The following SWT1 variants were observed in gnomAD, a reference collection of about 807,000 sequenced individuals.
The protein encoded by SWT1 is transcriptional protein SWT1.
In SWT1, 33 loss-of-function variants were observed where a neutral mutation model predicts 107.3. That is an observed-to-expected ratio of 0.31 (90% confidence interval 0.23 to 0.41). SWT1 has a LOEUF of 0.41. Ranked by LOEUF, SWT1 falls within the 10% of genes least tolerant of loss-of-function variation. SWT1 has a pLI of 1.00. For missense variants in SWT1, 898 were observed against 1,028.9 expected, an observed-to-expected ratio of 0.87 and a Z score of 1.74; for synonymous variants, 345 against 348.3, an observed-to-expected ratio of 0.99 and a Z score of 0.11.
At chr1:185,231,453 A>G (rs1660499633) in intron 15 of SWT1, 124 bp from the exon 16 acceptor site, 2 of 738,030 alleles carry the variant, frequency 2.7e-6, no homozygotes, top group Admixed American at 2.5e-5. Flanking sequence ...ATTTAAATAG[A>G]TCAGCATTCT....
At chr1:185,246,990 A>G (rs1661661973) in intron 16 of SWT1, among the ~76,000 whole-genome samples, 1 of 152,130 alleles carries the variant, frequency 6.6e-6, no homozygotes, top group South Asian at 2.1e-4. Context: ...TGTGACTGGT[A>G]AAAACTCAAA....
intron 15 of SWT1, among the ~76,000 whole-genome samples, chr1:185,222,994 A>T (rs1332293957): frequency 6.6e-6 from 1 of 152,174 alleles, no homozygotes; most frequent in East Asian, 1.9e-4. Flanking sequence ...TATTGTATAT[A>T]GTGCTACAGC....
chr1:185,165,781 G>T (rs757615591), intron 2 of SWT1, among the ~76,000 whole-genome samples: 26 of 152,202 alleles, frequency 1.7e-4, no homozygotes, highest in Middle Eastern at 3.2e-3. Context: ...CCTTGCTGCT[G>T]TCCCAACAAG....
intron 10 of SWT1, 117 bp from the exon 11 acceptor site, chr1:185,202,537 T>C: frequency 1.3e-6 from 1 of 775,894 alleles, no homozygotes; most frequent in South Asian, 2.1e-5. Context: ...TTATTCTTTC[T>C]TAAGGTATAG....
intron 4 of SWT1, among the ~76,000 whole-genome samples, chr1:185,170,801 A>G (rs1006947183): frequency 6.6e-6 from 1 of 152,208 alleles, no homozygotes; most frequent in African/African-American, 2.4e-5. Context: ...ATAGGACTAT[A>G]GGAAGAAAAG....
At chr1:185,208,924 C>T (rs1041239468) in intron 13 of SWT1, among the ~76,000 whole-genome samples, 2 of 151,862 alleles carry the variant, frequency 1.3e-5, no homozygotes, top group African/African-American at 4.8e-5. Context: ...TTTATTGGTG[C>T]CTGAGGCTCA....
At chr1:185,158,203 G>T (rs1320106183) in intron 1 of SWT1, among the ~76,000 whole-genome samples, 8 of 152,028 alleles carry the variant, frequency 5.3e-5, no homozygotes, top group African/African-American at 1.9e-4. Context: ...TGATTATTTG[G>T]CACTTTGAAG....
At chr1:185,259,934 AC>A (rs1396046525) in intron 16 of SWT1, among the ~76,000 whole-genome samples, 3 of 152,194 alleles carry the variant, frequency 2.0e-5, no homozygotes, top group East Asian at 3.8e-4. Flanking sequence ...CTGGATGGTC[AC>A]TAAGGTTCTA....
chr1:185,290,875 T>G lies in SWT1; in HGVS notation c.*72T>G. 7.5e-7 allele frequency: 1 copy of G among 1,341,344 alleles called. No individual in the cohort carries two copies. Among genetic ancestry groups the G allele is most frequent in the Non-Finnish European group, 1.0e-6 (1 of 980,202 alleles). 83.1% of individuals were successfully genotyped at this position (1,341,344 alleles called of 1,614,324 possible). ...ACAGAGTAGTTTTCAATCTGGTCACTCTTTTGGGCCAAACCCAAGAGAATT... is the reference window on the plus strand; with the variant it reads ...ACAGAGTAGTTTTCAATCTGGTCACGCTTTTGGGCCAAACCCAAGAGAATT... On this transcript the variant is annotated 3_prime_UTR_variant, in exon 19 of 19. Coordinates refer to ENST00000367500, the MANE Select transcript of SWT1 (RefSeq NM_017673.7).
At chr1:185,217,195 C>G (rs1337388561) in intron 14 of SWT1, among the ~76,000 whole-genome samples, 1 of 152,082 alleles carries the variant, frequency 6.6e-6, no homozygotes, top group Non-Finnish European at 1.5e-5. Flanking sequence ...GTGTTAGAAA[C>G]AATTCATTGA....
At chr1:185,280,833 G>A (rs891824461) in intron 18 of SWT1, 24 of 393,538 alleles carry the variant, frequency 6.1e-5, no homozygotes, top group African/African-American at 4.4e-4. Context: ...TGAGGGTTGG[G>A]GTGTGTTGTG....
chr1:185,264,695 G>A (rs1663253471), intron 16 of SWT1, among the ~76,000 whole-genome samples: 1 of 152,084 alleles, frequency 6.6e-6, no homozygotes, highest in Non-Finnish European at 1.5e-5. Context: ...TTGAACTCTG[G>A]CTGGCTGACT....
At chr1:185,194,467 A>G (rs1657220685) in intron 10 of SWT1, among the ~76,000 whole-genome samples, 1 of 151,942 alleles carries the variant, frequency 6.6e-6, no homozygotes, top group Non-Finnish European at 1.5e-5. Flanking sequence ...TGTTTACAAT[A>G]TACATCTTTA....
rs544334207 is a variant in SWT1, at chr1:185,157,868, C to G, written c.-10+554C>G. Among the ~76,000 whole-genome samples the G allele has an allele frequency of 2.8e-3, 431 of 152,166 alleles. 2 individuals are homozygous for G. The highest frequency in any genetic ancestry group is 1.0e-2 in the African/African-American group (414 of 41,536). On this transcript the variant is annotated intron_variant, in intron 1 of 18. Transcript: ENST00000367500. ...GCGTTTCAGATCCCCAAAACATATG[C>G]TAGCGAGTCCCCTGTCCCCCGTACT...
intron 16 of SWT1, among the ~76,000 whole-genome samples, chr1:185,232,838 A>G (rs1660594808): frequency 6.6e-6 from 1 of 152,160 alleles, no homozygotes; most frequent in African/African-American, 2.4e-5. Flanking sequence ...AATTTTTTTA[A>G]TTTTAGGAAC....
chr1:185,173,530 CAAAAAAA>C (rs869052260), intron 4 of SWT1, among the ~76,000 whole-genome samples: 16 of 96,562 alleles, frequency 1.7e-4, no homozygotes, highest in African/African-American at 1.9e-4. Flanking sequence ...CTGTCTCTAC[CAAAAAAA>C]AAAAAAAAAA....
intron 6 of SWT1, 69 bp downstream of exon 6, chr1:185,180,519 A>G (rs1307714970): frequency 1.8e-6 from 2 of 1,113,984 alleles, no homozygotes; most frequent in African/African-American, 1.6e-5. Context: ...TTAATAAAAA[A>G]TAATGACTGT....
chr1:185,256,654 G>A (rs1199290992), intron 16 of SWT1, among the ~76,000 whole-genome samples: 1 of 146,932 alleles, frequency 6.8e-6, no homozygotes, highest in Non-Finnish European at 1.5e-5. Context: ...GCACTTCTCT[G>A]TATTGGTTAT....
chr1:185,195,277 C>T (rs892122826), intron 10 of SWT1, among the ~76,000 whole-genome samples: 2 of 152,128 alleles, frequency 1.3e-5, no homozygotes, highest in African/African-American at 2.4e-5. Context: ...TGTTAGTTTG[C>T]TGGGGATGAT....
Sources: gnomAD v4.1 joint callset for allele counts (sites outside exome capture counted in the v4.1 genomes callset) on GRCh38, gnomAD v4.1.1 for gene constraint, MANE v1.5 for transcripts, NCBI Gene and HGNC (gene_info 2026-07-23, HGNC 2026-07-21) for gene names.